ARHGAP15: variants seen among roughly 807,000 people sequenced by gnomAD.
The protein encoded by ARHGAP15 is rho GTPase-activating protein 15.
Under a neutral mutation model 63.7 loss-of-function variants are expected in ARHGAP15, and 51 were observed. That is an observed-to-expected ratio of 0.80 (90% CI 0.64 to 1.01). ARHGAP15 has a LOEUF of 1.01. Among genes scored for constraint, ARHGAP15 ranks in the 50% least tolerant of loss-of-function variants. ARHGAP15 has a pLI of 0.00. For missense variants in ARHGAP15, 560 were observed against 564.6 expected (o/e 0.99, Z 0.08); for synonymous variants, 191 against 193.8 (o/e 0.99, Z 0.12).
At chr2:143,183,388 G>A (rs1691312244) in intron 2 of ARHGAP15, among the ~76,000 whole-genome samples, 2 of 152,162 alleles carry the variant, frequency 1.3e-5, no homozygotes, top group African/African-American at 4.8e-5. Context: ...AAATTATAGA[G>A]ACTTAAGGTG....
At chr2:143,463,540 T>TGG (rs1040101849) in intron 8 of ARHGAP15, among the ~76,000 whole-genome samples, 6 of 5,126 alleles carry the variant, frequency 1.2e-3, no homozygotes, top group Admixed American at 2.2e-3. Context: ...AACTCCATCT[T>TGG]GGGGGGTGGG....
intron 2 of ARHGAP15, among the ~76,000 whole-genome samples, chr2:143,195,467 T>A (rs1369591002): frequency 1.3e-5 from 2 of 152,154 alleles, no homozygotes; most frequent in African/African-American, 4.8e-5. Flanking sequence ...CCACAAATAG[T>A]TAAAATTAGA....
At chr2:143,733,522 C>G (rs1272221711) in intron 13 of ARHGAP15, among the ~76,000 whole-genome samples, 1 of 152,194 alleles carries the variant, frequency 6.6e-6, no homozygotes, top group African/African-American at 2.4e-5. Context: ...CATCCATCAA[C>G]TGTGCCTTCA....
In ARHGAP15 at chr2:143,152,721, A is replaced by G. The variant is rs189375644; in HGVS notation, c.-14-2756A>G. The stretch of plus-strand genomic sequence containing the variant: ...GAAATCCCCAAATATTTAACAATAG[A>G]AGAACAATTATGAAATAGCATCAAG... On this transcript the variant is annotated intron_variant, in intron 1 of 13. Transcript: ENST00000295095. Among the ~76,000 whole-genome samples the G allele has an allele frequency of 2.3e-4, 35 of 152,128 alleles. No homozygotes were observed. In the East Asian group the frequency reaches 6.4e-3, roughly 28 times the overall value.
At chr2:143,188,502 C>G (rs1691534839) in intron 2 of ARHGAP15, among the ~76,000 whole-genome samples, 2 of 151,742 alleles carry the variant, frequency 1.3e-5, no homozygotes, top group African/African-American at 2.4e-5. Flanking sequence ...CATCTGCTTG[C>G]TTAACACATC....
intron 6 of ARHGAP15, among the ~76,000 whole-genome samples, chr2:143,304,874 G>T (rs1683093436): frequency 6.6e-6 from 1 of 152,032 alleles, no homozygotes; most frequent in Non-Finnish European, 1.5e-5. Context: ...TTATACTGTT[G>T]GTGGGAGTGT....
intron 12 of ARHGAP15, among the ~76,000 whole-genome samples, chr2:143,633,457 AAATT>A (rs1421736009): frequency 1.3e-5 from 2 of 151,990 alleles, no homozygotes; most frequent in Admixed American, 6.6e-5. Flanking sequence ...CTTGACTCAG[AAATT>A]AATTGAGTGG....
chr2:143,376,809 C>T (rs1686830235), intron 6 of ARHGAP15, among the ~76,000 whole-genome samples: 1 of 151,996 alleles, frequency 6.6e-6, no homozygotes, highest in Non-Finnish European at 1.5e-5. Context: ...CTGGTCTCAG[C>T]TCAGTTTAAT....
chr2:143,606,071 G>GAAAA (rs59542668), intron 11 of ARHGAP15, among the ~76,000 whole-genome samples: 1 of 66,040 alleles, frequency 1.5e-5, no homozygotes, highest in Admixed American at 2.4e-4. Context: ...AAAAAAAAAA[G>GAAAA]CCATACATCT....
At chr2:143,235,304 A>G (rs1461723158) in intron 5 of ARHGAP15, among the ~76,000 whole-genome samples, 2 of 143,466 alleles carry the variant, frequency 1.4e-5, no homozygotes, top group Non-Finnish European at 3.0e-5. Context: ...GAAAGATTTG[A>G]ATTGGGCCTT....
chr2:143,643,768 A>T (rs1362451084), intron 12 of ARHGAP15, among the ~76,000 whole-genome samples: 2 of 152,128 alleles, frequency 1.3e-5, no homozygotes, highest in Non-Finnish European at 2.9e-5. Context: ...AAAAGTTGCA[A>T]TGATTTAATG....
intron 5 of ARHGAP15, among the ~76,000 whole-genome samples, chr2:143,233,210 C>A (rs1462304577): frequency 6.6e-6 from 1 of 151,834 alleles, no homozygotes; most frequent in Non-Finnish European, 1.5e-5. Context: ...TCTCCATGAA[C>A]CTTGGACTTG....
At chr2:143,291,165 G>A (rs1682379365) in intron 6 of ARHGAP15, among the ~76,000 whole-genome samples, 1 of 152,090 alleles carries the variant, frequency 6.6e-6, no homozygotes, top group African/African-American at 2.4e-5. Context: ...TTTAACCCTG[G>A]TTTGATAATT....
chr2:143,685,953 A>C (rs1408565861), intron 12 of ARHGAP15, among the ~76,000 whole-genome samples: 1 of 152,182 alleles, frequency 6.6e-6, no homozygotes. Context: ...ACTTTAAAAA[A>C]AAAATTATGT....
rs77099648 is a variant in ARHGAP15 at position 143,414,629 on chromosome 2, T to C, written c.475-20972T>C. ...GCACTCTCCATGTTATATAAGGTCT[T>C]ACACGTAGAAATATGAAAAACAGGC... On this transcript the variant is annotated intron_variant, in intron 6 of 13. Transcript: ENST00000295095. Among the ~76,000 whole-genome samples the C allele has an allele frequency of 5.2e-3, 785 of 152,272 alleles. 2 individuals are homozygous for C. Among genetic ancestry groups the C allele is most frequent in the African/African-American group, 0.017 (725 of 41,550 alleles).
At chr2:143,495,242 G>A (rs1442634417) in intron 9 of ARHGAP15, among the ~76,000 whole-genome samples, 1 of 150,832 alleles carries the variant, frequency 6.6e-6, no homozygotes. Flanking sequence ...TCTTTATTTA[G>A]GTGCACAGAG....
intron 8 of ARHGAP15, among the ~76,000 whole-genome samples, chr2:143,470,973 A>G (rs796471713): frequency 6.8e-6 from 1 of 146,116 alleles, no homozygotes; most frequent in African/African-American, 2.5e-5. Context: ...ATGTGTGTAC[A>G]TACACACGTG....
At chr2:143,282,992 A>G (rs1681925124) in intron 6 of ARHGAP15, among the ~76,000 whole-genome samples, 2 of 152,144 alleles carry the variant, frequency 1.3e-5, no homozygotes, top group African/African-American at 4.8e-5. Flanking sequence ...TAAATTTGTC[A>G]TTGTTTTCCG....
At chr2:143,348,828 C>A (rs1558911640) in intron 6 of ARHGAP15, among the ~76,000 whole-genome samples, 1 of 152,134 alleles carries the variant, frequency 6.6e-6, no homozygotes, top group African/African-American at 2.4e-5. Flanking sequence ...CTAGAAAATG[C>A]TGAAAATGCC....
Sources: allele counts gnomAD v4.1 joint callset (sites outside exome capture counted in the v4.1 genomes callset), GRCh38; gene constraint gnomAD v4.1.1; transcripts MANE v1.5; gene names NCBI Gene and HGNC (gene_info 2026-07-23, HGNC 2026-07-21).